Variants in MLLT3 observed in about 807,000 individuals in gnomAD.
The protein encoded by MLLT3 is protein AF-9.
A neutral mutation model predicts 53.2 loss-of-function variants in MLLT3; 4 were observed. The observed-to-expected ratio is 0.08, with a 90% CI of 0.04 to 0.17. The LOEUF is 0.17. MLLT3 is among the 10% of genes least tolerant of loss of function. MLLT3 has a pLI of 1.00. For synonymous variants in MLLT3, 283 were observed against 230.6 expected (o/e 1.23, Z -2.06); for missense variants, 569 against 684.0 (o/e 0.83, Z 1.87).
intron 2 of MLLT3, among the ~76,000 whole-genome samples, chr9:20,539,347 G>A (rs534286589): frequency 6.6e-6 from 1 of 152,214 alleles, no homozygotes; most frequent in African/African-American, 2.4e-5. Context: ...ACCAAGAGTA[G>A]TACATTAGTC....
intron 5 of MLLT3, among the ~76,000 whole-genome samples, chr9:20,380,555 T>C (rs977881967): frequency 6.6e-6 from 1 of 152,068 alleles, no homozygotes; most frequent in African/African-American, 2.4e-5. Context: ...CACACACAAT[T>C]GCACGTACAA....
intron 4 of MLLT3, among the ~76,000 whole-genome samples, chr9:20,430,246 C>G (rs1823232190): frequency 6.6e-6 from 1 of 152,134 alleles, no homozygotes; most frequent in Non-Finnish European, 1.5e-5. Context: ...GAATATTCTT[C>G]AACCACAGAT....
intron 2 of MLLT3, among the ~76,000 whole-genome samples, chr9:20,599,620 T>C (rs761335505): frequency 6.6e-6 from 1 of 152,172 alleles, no homozygotes; most frequent in South Asian, 2.1e-4. Context: ...AAGCATGGTA[T>C]AAACAGAGTA....
chr9:20,459,783 A>G (rs376161051), intron 2 of MLLT3, among the ~76,000 whole-genome samples: 1 of 152,150 alleles, frequency 6.6e-6, no homozygotes, highest in Non-Finnish European at 1.5e-5. Flanking sequence ...TAGAAGTGTG[A>G]TTTTATAAGA....
chr9:20,544,680 C>A (rs1818739612), intron 2 of MLLT3, among the ~76,000 whole-genome samples: 1 of 152,174 alleles, frequency 6.6e-6, no homozygotes, highest in Admixed American at 6.5e-5. Flanking sequence ...TATGAACATT[C>A]CTCAAAAATT....
chr9:20,560,674 G>C (rs10964604), intron 2 of MLLT3, among the ~76,000 whole-genome samples: 8,631 of 152,238 alleles, frequency 0.057, 369 homozygotes, highest in Non-Finnish European at 0.096. Context: ...AGATTTTAAG[G>C]ATTGTGGGCG....
rs556151096 is a variant in MLLT3 at position 20,592,320 on chromosome 9, G to C, written c.193+28334C>G. Among the ~76,000 whole-genome samples, 225 of 152,256 alleles carry C rather than the reference G, an allele frequency of 1.5e-3. 2 individuals carry two copies. The highest frequency in any genetic ancestry group is 5.3e-3 in the African/African-American group (221 of 41,546). ...CAAAGTGGGTTTAAACAACCCAAAT[G>C]GGGTGGCTTAAGCAACAGGAATTTA... On this transcript the variant is annotated intron_variant, in intron 2 of 10. Transcript: ENST00000380338.
In MLLT3 at chr9:20,521,039, G is replaced by C. The variant is rs551648376; in HGVS notation, c.194-64253C>G. ...AAATAATTTTTTTAAATTTAAATGA[G>C]TTGCACAGCTAAGCTGTAAACTTTT... On this transcript the variant is annotated intron_variant, in intron 2 of 10. Transcript: ENST00000380338. Among the ~76,000 whole-genome samples the C allele has an allele frequency of 7.9e-5, 12 of 151,940 alleles. No homozygotes were observed. The East Asian group carries it at 1.5e-3, about 20-fold the overall frequency.
intron 8 of MLLT3, among the ~76,000 whole-genome samples, chr9:20,356,800 C>T (rs1821181739): frequency 6.6e-6 from 1 of 152,174 alleles, no homozygotes; most frequent in South Asian, 2.1e-4. Flanking sequence ...CCACCCCACA[C>T]ATTCCGTAAG....
At chr9:20,612,671 G>T (rs1287237612) in intron 2 of MLLT3, among the ~76,000 whole-genome samples, 6 of 151,494 alleles carry the variant, frequency 4.0e-5, no homozygotes, top group African/African-American at 1.5e-4. Context: ...CAATAAAGAG[G>T]AAATCAAAAT....
intron 2 of MLLT3, among the ~76,000 whole-genome samples, chr9:20,555,361 G>T (rs1819031034): frequency 6.6e-6 from 1 of 152,040 alleles, no homozygotes; most frequent in South Asian, 2.1e-4. Flanking sequence ...TCACCATGTT[G>T]CCCAGGGTGG....
At chr9:20,616,484 A>C (rs1820835858) in intron 2 of MLLT3, among the ~76,000 whole-genome samples, 1 of 152,096 alleles carries the variant, frequency 6.6e-6, no homozygotes, top group Non-Finnish European at 1.5e-5. Flanking sequence ...TACGGAGTTA[A>C]CTTTAAAAAA....
At chr9:20,579,238 G>A (rs1000365564) in intron 2 of MLLT3, among the ~76,000 whole-genome samples, 2 of 151,912 alleles carry the variant, frequency 1.3e-5, no homozygotes. Context: ...AATTAGCTGG[G>A]CGTATGCTTG....
intron 2 of MLLT3, among the ~76,000 whole-genome samples, chr9:20,570,214 G>T (rs1053868068): frequency 6.6e-6 from 1 of 152,126 alleles, no homozygotes; most frequent in Non-Finnish European, 1.5e-5. Context: ...TATTGTAAGG[G>T]ACAAAAACTG....
chr9:20,447,795 T>A (rs1463926224), intron 4 of MLLT3, among the ~76,000 whole-genome samples: 1 of 152,202 alleles, frequency 6.6e-6, no homozygotes, highest in Non-Finnish European at 1.5e-5. Context: ...ATAACTGATA[T>A]AACACAGTTC....
intron 2 of MLLT3, among the ~76,000 whole-genome samples, chr9:20,495,137 T>C (rs1388811492): frequency 1.3e-5 from 2 of 152,174 alleles, no homozygotes; most frequent in Admixed American, 1.3e-4. Context: ...GAACTAGGCC[T>C]ATATAAATCA....
chr9:20,414,414 C>T lies in MLLT3; in HGVS notation c.432G>A (p.Arg144=). 1 of 1,604,102 alleles carries T rather than the reference C, an allele frequency of 6.2e-7. No individual in the cohort carries two copies. Among genetic ancestry groups the T allele is most frequent in the Non-Finnish European group, 8.5e-7 (1 of 1,178,426 alleles). ...TGCTGCTGCTGCTGGTATGAATACT[C>T]CTATTAGGGTCCTGCAAAAAGGGGA... ...KLLKAGGDPN[R]SIHTSSSSSS... Residue 144 remains arginine, a synonymous_variant, in exon 5 of 11, where the codon AGG becomes AGA. Transcript: ENST00000380338.
At chr9:20,434,699 G>T (rs1043333043) in intron 4 of MLLT3, among the ~76,000 whole-genome samples, 1 of 152,084 alleles carries the variant, frequency 6.6e-6, no homozygotes, top group African/African-American at 2.4e-5. Context: ...CTAATAAAAG[G>T]AAAGGCAGTG....
intron 2 of MLLT3, among the ~76,000 whole-genome samples, chr9:20,484,239 C>T (rs968112412): frequency 3.9e-5 from 6 of 152,130 alleles, no homozygotes; most frequent in Non-Finnish European, 7.4e-5. Context: ...AATTTTCCTA[C>T]TAGTATCACT....
Sources: allele counts gnomAD v4.1 joint callset (sites outside exome capture counted in the v4.1 genomes callset), GRCh38; gene constraint gnomAD v4.1.1; transcripts MANE v1.5; gene names NCBI Gene and HGNC (gene_info 2026-07-23, HGNC 2026-07-21).